The following GPHN variants were observed in gnomAD, a reference collection of about 807,000 sequenced individuals.
GPHN encodes gephyrin.
In GPHN, 17 loss-of-function variants were observed where a neutral mutation model predicts 95.5. The ratio of observed to expected loss-of-function variants is 0.18; its 90% CI spans 0.12 to 0.27. The LOEUF (loss-of-function observed/expected upper bound fraction) is 0.27. Ranked by LOEUF, GPHN falls within the 10% of genes least tolerant of loss-of-function variation. The probability of loss-of-function intolerance (pLI) is 1.00; values close to 1 mark genes in which losing one functional copy is unlikely to be tolerated. For missense variants in GPHN, 660 were observed against 978.1 expected, an observed-to-expected ratio of 0.67 and a Z score of 4.34; for synonymous variants, 320 against 322.5, an observed-to-expected ratio of 0.99 and a Z score of 0.08.
intron 1 of GPHN, among the ~76,000 whole-genome samples, chr14:66,554,562 T>A (rs915192581): frequency 2.0e-5 from 3 of 152,106 alleles, no homozygotes; most frequent in Admixed American, 2.0e-4. Flanking sequence ...TATAAAACCA[T>A]CAGATCTCAT....
At chr14:66,517,126 CAAAAAAAAAA>C (rs1171024713) in intron 1 of GPHN, among the ~76,000 whole-genome samples, 1,587 of 31,036 alleles carry the variant, frequency 0.051, 17 homozygotes, top group Non-Finnish European at 0.083. Flanking sequence ...GACTCCATCT[CAAAAAAAAAA>C]AAAAAAAAAA....
intron 20 of GPHN, 70 bp from the exon 21 acceptor site, chr14:67,168,863 A>G (rs1397531800): frequency 4.0e-6 from 4 of 987,788 alleles, no homozygotes; most frequent in Admixed American, 3.4e-5. Context: ...ACCCAAAGAT[A>G]TAGACAGACA....
the GPHN span, among the ~76,000 whole-genome samples, chr14:67,501,929 T>C: frequency 1.9e-4 from 29 of 152,358 alleles, no homozygotes; most frequent in South Asian, 6.2e-4. Flanking sequence ...AGTCAGATTC[T>C]TCTGTCACTT....
chr14:67,348,513 CTTCT>C, the GPHN span, among the ~76,000 whole-genome samples: 2 of 150,376 alleles, frequency 1.3e-5, no homozygotes, highest in African/African-American at 2.4e-5. Context: ...TGGAACCTGA[CTTCT>C]TTATTTTTTT....
the GPHN span, chr14:67,574,381 C>A: frequency 6.3e-7 from 1 of 1,581,712 alleles, no homozygotes; most frequent in Non-Finnish European, 8.6e-7. The surrounding 1 kb of genome is among the most constrained non-coding windows in gnomAD (Gnocchi z 4.2). Context: ...ACCAAGCCCA[C>A]CGTGAAGGGC....
chr14:66,569,436 G>T (rs1486896662), intron 1 of GPHN, among the ~76,000 whole-genome samples: 2 of 152,068 alleles, frequency 1.3e-5, no homozygotes, highest in African/African-American at 2.4e-5. Flanking sequence ...GCGGAGGCAG[G>T]CAGATCACTT....
At chr14:67,659,652 A>C in the GPHN span, 52 of 1,409,510 alleles carry the variant, frequency 3.7e-5, no homozygotes, top group Non-Finnish European at 4.7e-5. Flanking sequence ...ATAACATGAA[A>C]TACCCCAACA....
chr14:66,957,198 T>C (rs1443914192), intron 8 of GPHN, among the ~76,000 whole-genome samples: 2 of 131,598 alleles, frequency 1.5e-5, no homozygotes, highest in African/African-American at 5.9e-5. Context: ...TTTTTTTTTT[T>C]TTTTTTTTTT....
the GPHN span, among the ~76,000 whole-genome samples, chr14:67,189,999 C>G: frequency 1.3e-5 from 2 of 150,590 alleles, no homozygotes; most frequent in Admixed American, 1.3e-4. Flanking sequence ...TGCCATCACG[C>G]CCAGCTAATT....
At chr14:66,596,644 G>A (rs1234167237) in intron 1 of GPHN, among the ~76,000 whole-genome samples, 1 of 152,186 alleles carries the variant, frequency 6.6e-6, no homozygotes, top group Non-Finnish European at 1.5e-5. Flanking sequence ...AAATTGGAGC[G>A]GGTGTTTGTA....
At chr14:66,754,239 C>A (rs2058480240) in intron 2 of GPHN, among the ~76,000 whole-genome samples, 1 of 151,926 alleles carries the variant, frequency 6.6e-6, no homozygotes, top group South Asian at 2.1e-4. Context: ...AGTAGAATTT[C>A]TGGGTCATAT....
At chr14:66,692,657 A>C (rs1410251283) in intron 2 of GPHN, among the ~76,000 whole-genome samples, 1 of 152,116 alleles carries the variant, frequency 6.6e-6, no homozygotes, top group Non-Finnish European at 1.5e-5. Context: ...TACCATTTTT[A>C]TATGACCATT....
rs1006894505 is a variant in GPHN at position 67,143,434 on chromosome 14, A to T, written c.1821A>T (p.Val607=). The change falls in exon 18 of 23, where the codon GTA becomes GTT. Residue 607 remains valine (V), a synonymous_variant. Transcript: ENST00000478722. ...ATGTCATCATCACATCAGGGGGTGT[A>T]TCCATGGGGGAAAAGGTATGAAAGA... ...RADVIITSGG[V]SMGEKDYLKQ... 1 of 1,595,246 alleles carries T rather than the reference A, an allele frequency of 6.3e-7. No individual in the cohort carries two copies. Among genetic ancestry groups the T allele is most frequent in the Non-Finnish European group, 8.6e-7 (1 of 1,162,916 alleles).
the GPHN span, among the ~76,000 whole-genome samples, chr14:67,192,610 C>G: frequency 1.3e-5 from 2 of 151,652 alleles, no homozygotes; most frequent in Non-Finnish European, 2.9e-5. Context: ...AAAATCATTT[C>G]TTAAGCATCA....
At chr14:66,561,947 C>T (rs975240215) in intron 1 of GPHN, among the ~76,000 whole-genome samples, 1 of 152,092 alleles carries the variant, frequency 6.6e-6, no homozygotes, top group Admixed American at 6.6e-5. Context: ...GGCCTCTTTT[C>T]TTCCTTCTTC....
intron 1 of GPHN, among the ~76,000 whole-genome samples, chr14:66,618,665 T>C (rs1372758310): frequency 1.3e-5 from 2 of 152,188 alleles, no homozygotes; most frequent in African/African-American, 4.8e-5. Flanking sequence ...ATAAAGTAAG[T>C]TGAGAATTTA....
chr14:66,994,665 A>C (rs1346107207), intron 9 of GPHN, among the ~76,000 whole-genome samples: 1 of 152,232 alleles, frequency 6.6e-6, no homozygotes, highest in African/African-American at 2.4e-5. Context: ...AAAGTATTTC[A>C]GTTTTATGGG....
chr14:67,377,125 C>G, the GPHN span, among the ~76,000 whole-genome samples: 1 of 152,166 alleles, frequency 6.6e-6, no homozygotes, highest in South Asian at 2.1e-4. Context: ...CCTGTCTTTT[C>G]GCCATTTCCT....
chr14:66,901,133 G>C (rs1217766062), intron 5 of GPHN, among the ~76,000 whole-genome samples: 1 of 151,930 alleles, frequency 6.6e-6, no homozygotes, highest in Non-Finnish European at 1.5e-5. Flanking sequence ...GCATCTATCT[G>C]ATGATTAGTG....
Sources: allele counts gnomAD v4.1 joint callset (sites outside exome capture counted in the v4.1 genomes callset), GRCh38; gene constraint gnomAD v4.1.1; non-coding constraint Gnocchi (gnomAD v3.1); transcripts MANE v1.5; gene names NCBI Gene and HGNC (gene_info 2026-07-23, HGNC 2026-07-21).